Variants in DOCK8 observed in about 807,000 individuals in gnomAD.
DOCK8 encodes dedicator of cytokinesis 8, also known as dedicator of cytokinesis protein 8.
DOCK8 carries 141 observed loss-of-function variants against 245.6 expected under a neutral mutation model. The observed-to-expected ratio is 0.57, with a 90% CI of 0.50 to 0.66. DOCK8 has a LOEUF of 0.66. Among genes scored for constraint, DOCK8 ranks in the 30% least tolerant of loss-of-function variants. The pLI is 0.00. For synonymous variants in DOCK8, 1,168 were observed against 970.2 expected (o/e 1.20, Z -3.79); for missense variants, 2,965 against 2,603.4 (o/e 1.14, Z -3.02).
intron 46 of DOCK8, chr9:454,503 G>C (rs901749228): frequency 2.0e-5 from 3 of 152,130 alleles, no homozygotes; most frequent in Non-Finnish European, 4.4e-5. Context: ...GGAGGACTGA[G>C]TACCACTGAG....
chr9:439,327 AG>A lies in DOCK8; in HGVS notation c.5163del (p.Gln1721HisfsTer9), dbSNP rs773539686. On this transcript the variant is annotated frameshift_variant, in exon 40 of 48. Transcript: ENST00000432829. LOFTEE classifies it high-confidence loss of function. The part of the protein sequence containing the change: ...SPDEDGVCAG[Q>X]YFTESGLVGL... ...GACGAGGATGGGGTGTGCGCAGGCCAGTACTTCACCGAGAGTGGCCTGGTAG... is the reference window on the plus strand; with the variant it reads ...GACGAGGATGGGGTGTGCGCAGGCCATACTTCACCGAGAGTGGCCTGGTAG... The A allele has an allele frequency of 3.1e-6, 5 of 1,614,020 alleles. No individual in the cohort carries two copies. The African/African-American group carries it at 6.7e-5, about 22-fold the overall frequency.
intron 2 of DOCK8, chr9:276,992 A>G (rs1402292704): frequency 1.2e-5 from 4 of 339,622 alleles, no homozygotes; most frequent in African/African-American, 4.4e-5. Context: ...TTTTTTTTGT[A>G]GAGACGGAGT....
intron 19 of DOCK8, among the ~76,000 whole-genome samples, chr9:376,601 T>C (rs1184733309): frequency 6.6e-6 from 1 of 152,190 alleles, no homozygotes; most frequent in African/African-American, 2.4e-5. Flanking sequence ...TTTCCCTCTG[T>C]AACTCTGCCA....
At position 446,489 on chromosome 9, in the gene DOCK8, C is replaced by T; in HGVS notation, c.5700C>T (p.Thr1900=). ...GGTTCATGTACACCACCCCGTTCAC[C>T]CTGGAGGGGCGGCCTCGGGGAGAGC... The part of the protein sequence containing the change: ...LRRFMYTTPF[T]LEGRPRGELH... Residue 1900 remains threonine, a synonymous_variant, in exon 44 of 48, where the codon ACC becomes ACT. Coordinates refer to ENST00000432829, the MANE Select transcript of DOCK8 (RefSeq NM_203447.4). 1 of 1,614,184 alleles carries T rather than the reference C, an allele frequency of 6.2e-7. No homozygotes were observed. Among genetic ancestry groups the T allele is most frequent in the Non-Finnish European group, 8.5e-7 (1 of 1,180,026 alleles).
intron 38 of DOCK8, 82 bp from the exon 39 acceptor site, chr9:434,696 GAAAAA>G: frequency 6.9e-7 from 1 of 1,446,418 alleles, no homozygotes. Context: ...CTCTTGGGGA[GAAAAA>G]AAGAAAAGGT....
intron 14 of DOCK8, among the ~76,000 whole-genome samples, chr9:359,549 A>G (rs2052619229): frequency 6.6e-6 from 1 of 152,242 alleles, no homozygotes; most frequent in Non-Finnish European, 1.5e-5. Flanking sequence ...TTTTCCTTGC[A>G]TAAGTACCTT....
chr9:400,959 C>CCTCCACCACCAT, intron 26 of DOCK8, among the ~76,000 whole-genome samples: 1 of 47,880 alleles, frequency 2.1e-5, no homozygotes, highest in East Asian at 4.3e-4. Flanking sequence ...ACCACCACCA[C>CCTCCACCACCAT]CACCACCTCC....
chr9:234,789 T>C (rs904864859), intron 1 of DOCK8, among the ~76,000 whole-genome samples: 1 of 150,648 alleles, frequency 6.6e-6, no homozygotes, highest in Non-Finnish European at 1.5e-5. Context: ...ATTCTAGTTA[T>C]CCATTCGTCT....
chr9:249,625 T>A (rs1344544794), intron 1 of DOCK8, among the ~76,000 whole-genome samples: 1 of 152,142 alleles, frequency 6.6e-6, no homozygotes, highest in African/African-American at 2.4e-5. Context: ...TTTAATTTTT[T>A]ATTTTTTGAG....
At chr9:397,840 T>TA (rs1472102934) in intron 25 of DOCK8, among the ~76,000 whole-genome samples, 1 of 152,248 alleles carries the variant, frequency 6.6e-6, no homozygotes, top group Non-Finnish European at 1.5e-5. Context: ...AAAACAAATG[T>TA]AGCAAAATGT....
At chr9:253,049 C>A (rs1480329709) in intron 1 of DOCK8, among the ~76,000 whole-genome samples, 2 of 152,056 alleles carry the variant, frequency 1.3e-5, no homozygotes, top group African/African-American at 2.4e-5. Flanking sequence ...TATTAATATT[C>A]TTTTTACACT....
chr9:328,942 T>TG (rs1491567880), intron 9 of DOCK8, among the ~76,000 whole-genome samples: 1 of 75,628 alleles, frequency 1.3e-5, no homozygotes, highest in East Asian at 2.7e-4. Flanking sequence ...TTATTGATTC[T>TG]TTTTTTTTTT....
At chr9:431,039 A>AT (rs35683100) in intron 36 of DOCK8, among the ~76,000 whole-genome samples, 83,102 of 151,014 alleles carry the variant, frequency 0.55, 25,979 homozygotes, top group East Asian at 0.98. Flanking sequence ...TACCCAGCTA[A>AT]TTTTTTTTGC....
intron 1 of DOCK8, among the ~76,000 whole-genome samples, chr9:226,636 G>C (rs530397703): frequency 6.6e-6 from 1 of 152,232 alleles, no homozygotes; most frequent in South Asian, 2.1e-4. Flanking sequence ...AAAAAAAAGA[G>C]AAATCAAGAT....
chr9:400,776 C>T (rs1214042493), intron 26 of DOCK8, among the ~76,000 whole-genome samples: 1 of 125,228 alleles, frequency 8.0e-6, no homozygotes, highest in Non-Finnish European at 1.7e-5. Context: ...TCCACCACCA[C>T]CACCACCTCC....
At chr9:421,993 A>G in intron 32 of DOCK8, 55 bp from the exon 33 acceptor site, 1 of 1,455,724 alleles carries the variant, frequency 6.9e-7, no homozygotes, top group Non-Finnish European at 9.6e-7. Context: ...ACTTCTGGTT[A>G]TCTTGGAGGG....
intron 43 of DOCK8, among the ~76,000 whole-genome samples, chr9:445,775 G>A (rs1052200117): frequency 1.3e-5 from 2 of 152,134 alleles, no homozygotes; most frequent in African/African-American, 2.4e-5. Flanking sequence ...AGACATTTGT[G>A]TACAGGTTTT....
chr9:262,729 A>T (rs1039561864), intron 1 of DOCK8, among the ~76,000 whole-genome samples: 1 of 152,096 alleles, frequency 6.6e-6, no homozygotes, highest in Admixed American at 6.6e-5. Flanking sequence ...TAATGGTCTC[A>T]TGGGTCTATA....
At chr9:389,179 A>T (rs1374135034) in intron 23 of DOCK8, among the ~76,000 whole-genome samples, 4 of 152,202 alleles carry the variant, frequency 2.6e-5, no homozygotes, top group African/African-American at 9.6e-5. Flanking sequence ...TAGGACCAGG[A>T]CATTATCAGG....
Sources: gnomAD v4.1 joint callset for allele counts (sites outside exome capture counted in the v4.1 genomes callset) on GRCh38, gnomAD v4.1.1 for gene constraint, MANE v1.5 for transcripts, NCBI Gene and HGNC (gene_info 2026-07-23, HGNC 2026-07-21) for gene names.